Variants in SH3GLB1 observed in about 807,000 individuals in gnomAD.
SH3GLB1 encodes endophilin-B1.
A neutral mutation model predicts 42.0 loss-of-function variants in SH3GLB1; 17 were observed. The observed-to-expected ratio is 0.40, with a 90% confidence interval of 0.28 to 0.61. The LOEUF (loss-of-function observed/expected upper bound fraction) is 0.61, where lower values mean the gene tolerates loss of function less well. Ranked by LOEUF, SH3GLB1 falls within the 20% of genes least tolerant of loss-of-function variation. The pLI is 0.36. For synonymous variants in SH3GLB1, 132 were observed against 146.6 expected, an observed-to-expected ratio of 0.90 and a Z score of 0.72; for missense variants, 355 against 426.3, an observed-to-expected ratio of 0.83 and a Z score of 1.47.
intron 4 of SH3GLB1, 71 bp downstream of exon 4, chr1:86,722,744 G>T: frequency 7.7e-7 from 1 of 1,296,450 alleles, no homozygotes; most frequent in Non-Finnish European, 1.0e-6. Context: ...GAATAATTTG[G>T]CCTCTTAATG....
rs1299256153 is a variant in SH3GLB1, at chr1:86,735,203, A to G, written c.761+24A>G. The G allele has an allele frequency of 4.6e-6, 7 of 1,507,980 alleles. No individual in the cohort carries two copies. In the East Asian group the frequency reaches 1.1e-4, roughly 24 times the overall value. 93.4% of individuals were successfully genotyped at this position (1,507,980 alleles called of 1,614,324 possible). On this transcript the variant is annotated intron_variant, in intron 7 of 8. Coordinates refer to ENST00000370558, the MANE Select transcript of SH3GLB1 (RefSeq NM_016009.5). Reference sequence around the variant, plus strand: ...AGGTGATAATTTACTTTTCACATGTAAAGAGGAGAAATTCAGATTTTTGCT... The same window carrying G: ...AGGTGATAATTTACTTTTCACATGTGAAGAGGAGAAATTCAGATTTTTGCT...
chr1:86,708,101 A>G (rs988820543), intron 1 of SH3GLB1, among the ~76,000 whole-genome samples: 3 of 152,336 alleles, frequency 2.0e-5, no homozygotes, highest in Middle Eastern at 3.4e-3. Flanking sequence ...ATACTTTTTT[A>G]AAGATAAAAT....
chr1:86,726,337 G>A (rs1057050106), intron 5 of SH3GLB1, among the ~76,000 whole-genome samples: 3 of 151,984 alleles, frequency 2.0e-5, no homozygotes, highest in South Asian at 4.1e-4. Context: ...AGTGTACAAA[G>A]TCCTTTAATA....
intron 3 of SH3GLB1, among the ~76,000 whole-genome samples, chr1:86,721,209 T>C (rs1654839960): frequency 6.6e-6 from 1 of 152,214 alleles, no homozygotes; most frequent in Admixed American, 6.5e-5. Flanking sequence ...TATTACCTTA[T>C]TAGTAATTAA....
At chr1:86,724,910 T>TATATATATATATATATATAA (rs1655101375) in intron 5 of SH3GLB1, among the ~76,000 whole-genome samples, 1 of 135,094 alleles carries the variant, frequency 7.4e-6, no homozygotes, top group Non-Finnish European at 1.5e-5. Flanking sequence ...TATATATATA[T>TATATATATATATATATATAA]ATAAAATATA....
At position 86,723,398 on chromosome 1, in the gene SH3GLB1, C is replaced by T. The variant is rs191540589; in HGVS notation, c.477+725C>T. On this transcript the variant is annotated intron_variant, in intron 4 of 8. Transcript: ENST00000370558. ...GCATGGTGGCAGGTGCCTGTAATTC[C>T]AGCTACTTGGGAAGCTGAGGTAGGA... Among the ~76,000 whole-genome samples, 874 of 152,176 alleles carry T rather than the reference C, an allele frequency of 5.7e-3. 7 individuals carry two copies. Among genetic ancestry groups the T allele is most frequent in the African/African-American group, 0.02 (814 of 41,500 alleles).
intron 1 of SH3GLB1, among the ~76,000 whole-genome samples, 160 bp from the exon 2 acceptor site, chr1:86,715,564 G>A (rs1007474311): frequency 1.6e-4 from 25 of 152,028 alleles, no homozygotes; most frequent in Admixed American, 1.3e-3. Context: ...ATTACCATAG[G>A]AGCAAAAAAA....
intron 2 of SH3GLB1, 145 bp downstream of exon 2, chr1:86,716,010 TGAAGAG>T: frequency 1.3e-6 from 1 of 767,914 alleles, no homozygotes. Context: ...TGTGCTTTTG[TGAAGAG>T]GAAGTGATAA....
intron 5 of SH3GLB1, chr1:86,728,486 G>A: frequency 1.3e-6 from 2 of 1,539,302 alleles, no homozygotes; most frequent in Non-Finnish European, 1.8e-6. Flanking sequence ...TAAAATGGCT[G>A]AAGGTTTGTT....
intron 5 of SH3GLB1, among the ~76,000 whole-genome samples, chr1:86,727,034 T>C (rs373876137): frequency 3.3e-5 from 5 of 152,010 alleles, no homozygotes; most frequent in African/African-American, 1.2e-4. Context: ...ACTTTTTAAG[T>C]AATTTACTTA....
chr1:86,730,494 G>A lies in SH3GLB1; in HGVS notation c.571-4108G>A, dbSNP rs191817683. The A allele has an allele frequency of 9.0e-5, 57 of 636,580 alleles. 1 individual carries two copies. The highest frequency in any genetic ancestry group is 8.1e-4 in the Middle Eastern group (1 of 1,240). The allele number at this position is 636,580 out of a possible 1,614,324, so 39.4% of individuals were successfully genotyped here. A position where few individuals can be genotyped will look rare whatever the true frequency, so the allele number is the denominator to read the frequency against. On this transcript the variant is annotated intron_variant, in intron 5 of 8. Coordinates refer to ENST00000370558, the MANE Select transcript of SH3GLB1 (RefSeq NM_016009.5). Reference sequence around the variant, plus strand: ...CAGAGAATGGGATATATAATATTTCGCACAAATGAATTTTTTTTTTTTGAG... The same window carrying A: ...CAGAGAATGGGATATATAATATTTCACACAAATGAATTTTTTTTTTTTGAG...
At chr1:86,731,341 G>A (rs1655498658) in intron 5 of SH3GLB1, among the ~76,000 whole-genome samples, 1 of 152,132 alleles carries the variant, frequency 6.6e-6, no homozygotes, top group Non-Finnish European at 1.5e-5. Context: ...TTATTTTCTG[G>A]CTTTGTAGGA....
At chr1:86,710,269 T>TG (rs1279779256) in intron 1 of SH3GLB1, among the ~76,000 whole-genome samples, 3 of 107,282 alleles carry the variant, frequency 2.8e-5, no homozygotes, top group Non-Finnish European at 5.5e-5. Flanking sequence ...TGAAAGAATT[T>TG]TTTTTTTTTT....
chr1:86,725,366 A>G lies in SH3GLB1; in HGVS notation c.570+961A>G, dbSNP rs1347282010. ...AAATAAATTCTAGTATATATTCCAG[A>G]AAACCTCAGAATATTGAGTAGGTAT... On this transcript the variant is annotated intron_variant, in intron 5 of 8. Coordinates refer to ENST00000370558, the MANE Select transcript of SH3GLB1 (RefSeq NM_016009.5). 2.0e-5 allele frequency among the ~76,000 whole-genome samples: 3 copies of G among 152,132 alleles called. No individual in the cohort carries two copies. In the South Asian group the frequency reaches 6.2e-4, roughly 31 times the overall value.
At chr1:86,724,922 AAT>A (rs1269124220) in intron 5 of SH3GLB1, among the ~76,000 whole-genome samples, 16 of 131,988 alleles carry the variant, frequency 1.2e-4, no homozygotes, top group African/African-American at 3.5e-4. Flanking sequence ...TAAAATATAT[AAT>A]ATATATGTGT....
At chr1:86,734,203 A>G (rs6676333) in intron 5 of SH3GLB1, 2,144 of 154,448 alleles carry the variant, frequency 0.014, 52 homozygotes, top group African/African-American at 0.049. Flanking sequence ...TGTAGTAATA[A>G]TTGAGAATTT....
rs1431794631 is a variant in SH3GLB1, at chr1:86,727,765, G to A, written c.570+3360G>A. On this transcript the variant is annotated intron_variant, in intron 5 of 8. Coordinates refer to ENST00000370558, the MANE Select transcript of SH3GLB1 (RefSeq NM_016009.5). ...TTTCAAAGCTCTGCAGTATTTAGTG[G>A]TTTAGACCTCTGTTAATTTTGGGAC... Among the ~76,000 whole-genome samples the A allele has an allele frequency of 2.0e-5, 3 of 151,980 alleles. No homozygotes were observed. The East Asian group carries it at 5.8e-4, about 29-fold the overall frequency.
intron 7 of SH3GLB1, among the ~76,000 whole-genome samples, chr1:86,738,956 C>T (rs79983819): frequency 2.1e-4 from 32 of 152,124 alleles, no homozygotes; most frequent in Non-Finnish European, 2.9e-4. Flanking sequence ...AAGTTTTTGA[C>T]CTAAGTAACT....
In SH3GLB1 at chr1:86,724,368, G is replaced by T; in HGVS notation, c.533G>T (p.Arg178Ile). 6.2e-7 allele frequency: 1 copy of T among 1,603,766 alleles called. No individual in the cohort carries two copies. Among genetic ancestry groups the T allele is most frequent in the South Asian group, 1.1e-5 (1 of 88,176 alleles). ...KRLDLDAAKT[R>I]LKKAKAAETR... ...CTGGATTTGGATGCTGCAAAAACGA[G>T]ACTAAAAAAGGCAAAAGCTGCAGAA... Residue 178 changes from arginine to isoleucine, a missense_variant, in exon 5 of 9, where the codon AGA (arginine) becomes ATA (isoleucine). Physicochemically the swap from Arg to Ile is moderately conservative, Grantham distance 97. Transcript: ENST00000370558.
Sources: allele counts gnomAD v4.1 joint callset (sites outside exome capture counted in the v4.1 genomes callset), GRCh38; gene constraint gnomAD v4.1.1; transcripts MANE v1.5; gene names NCBI Gene and HGNC (gene_info 2026-07-23, HGNC 2026-07-21).